SLC24A2: variants seen among roughly 807,000 people sequenced by gnomAD.
SLC24A2 encodes solute carrier family 24 member 2.
Under a neutral mutation model 62.0 loss-of-function variants are expected in SLC24A2, and 36 were observed. The observed-to-expected ratio is 0.58, with a 90% confidence interval of 0.44 to 0.77. SLC24A2 has a LOEUF of 0.77. Among genes scored for constraint, SLC24A2 ranks in the 30% least tolerant of loss-of-function variants. The probability of loss-of-function intolerance (pLI) is 0.00; values close to 1 mark genes in which losing one functional copy is unlikely to be tolerated. For synonymous variants in SLC24A2, 358 were observed against 294.0 expected (o/e 1.22, Z -2.23); for missense variants, 846 against 817.9 (o/e 1.03, Z -0.42).
At chr9:19,724,566 AT>A (rs1821117173) in intron 2 of SLC24A2, among the ~76,000 whole-genome samples, 1 of 152,176 alleles carries the variant, frequency 6.6e-6, no homozygotes, top group Non-Finnish European at 1.5e-5. Context: ...AACATTATTA[AT>A]ACAAGGTCTG....
rs949469349 is a variant in SLC24A2 at position 19,599,595 on chromosome 9, G to T, written c.1079-2316C>A. 6.6e-6 allele frequency among the ~76,000 whole-genome samples: 1 copy of T among 152,188 alleles called. No homozygotes were observed. Among genetic ancestry groups the T allele is most frequent in the Non-Finnish European group, 1.5e-5 (1 of 68,026 alleles). On this transcript the variant is annotated intron_variant, in intron 4 of 10. Coordinates refer to ENST00000341998, the MANE Select transcript of SLC24A2 (RefSeq NM_020344.4). The surrounding 1 kb of genome is among the most constrained non-coding windows in gnomAD (Gnocchi z 4.5). ...CTAACAGCAACAGGATGGTGAGATGGTGAACTCAGCAGCAGCATCCTAAGG... is the reference window on the plus strand; with the variant it reads ...CTAACAGCAACAGGATGGTGAGATGTTGAACTCAGCAGCAGCATCCTAAGG...
chr9:19,838,267 T>C, the SLC24A2 span, among the ~76,000 whole-genome samples: 1 of 151,992 alleles, frequency 6.6e-6, no homozygotes, highest in Non-Finnish European at 1.5e-5. Flanking sequence ...TAATGCCACA[T>C]ATCTACAACT....
At chr9:19,619,756 G>GGTGAGGATCTTGTCT in intron 3 of SLC24A2, 64 bp from the exon 4 acceptor site, 5 of 1,208,926 alleles carry the variant, frequency 4.1e-6, no homozygotes, top group Non-Finnish European at 6.2e-6. Context: ...TTATAGACAA[G>GGTGAGGATCTTGTCT]ATCCTCACCT....
At chr9:20,018,778 A>G in the SLC24A2 span, among the ~76,000 whole-genome samples, 5 of 152,176 alleles carry the variant, frequency 3.3e-5, no homozygotes, top group East Asian at 3.9e-4. Flanking sequence ...AAAAAAACCC[A>G]TATCTTAAAA....
the SLC24A2 span, among the ~76,000 whole-genome samples, chr9:20,006,835 G>C: frequency 6.6e-6 from 1 of 152,122 alleles, no homozygotes; most frequent in Admixed American, 6.5e-5. Context: ...GTGTGTTCCT[G>C]TGTAAGTTGC....
chr9:19,833,832 G>C, the SLC24A2 span, among the ~76,000 whole-genome samples: 1 of 152,232 alleles, frequency 6.6e-6, no homozygotes, highest in African/African-American at 2.4e-5. Flanking sequence ...CCCCAACTAG[G>C]GGCGGACTGA....
At chr9:19,972,608 TG>T in the SLC24A2 span, among the ~76,000 whole-genome samples, 1 of 152,282 alleles carries the variant, frequency 6.6e-6, no homozygotes, top group South Asian at 2.1e-4. Flanking sequence ...TAAAAGTGGC[TG>T]TTTAGAAGCT....
At chr9:19,829,621 T>C in the SLC24A2 span, among the ~76,000 whole-genome samples, 1 of 151,780 alleles carries the variant, frequency 6.6e-6, no homozygotes, top group Non-Finnish European at 1.5e-5. Context: ...ATATCAGCTA[T>C]TCAGGAGGCT....
At chr9:19,994,843 GA>G in the SLC24A2 span, among the ~76,000 whole-genome samples, 1 of 152,234 alleles carries the variant, frequency 6.6e-6, no homozygotes, top group Non-Finnish European at 1.5e-5. Context: ...ACACTCTGCA[GA>G]GACATACTTC....
chr9:19,593,623 C>CA (rs1217308840), intron 5 of SLC24A2, among the ~76,000 whole-genome samples: 6 of 152,112 alleles, frequency 3.9e-5, no homozygotes, highest in Non-Finnish European at 8.8e-5. Context: ...TTGTCCACAC[C>CA]GTGATGCCCT....
the SLC24A2 span, among the ~76,000 whole-genome samples, chr9:20,115,655 C>T: frequency 6.6e-6 from 1 of 152,250 alleles, no homozygotes; most frequent in South Asian, 2.1e-4. Flanking sequence ...TTGATTTATG[C>T]TAAGCCAACA....
intron 2 of SLC24A2, among the ~76,000 whole-genome samples, chr9:19,767,489 G>A (rs1004317636): frequency 3.9e-5 from 6 of 152,186 alleles, no homozygotes; most frequent in Admixed American, 6.5e-5. Context: ...GAAAAGGGTC[G>A]TATCTGGGCC....
At chr9:19,595,257 G>A (rs1443988311) in intron 5 of SLC24A2, among the ~76,000 whole-genome samples, 3 of 152,158 alleles carry the variant, frequency 2.0e-5, no homozygotes, top group Admixed American at 6.5e-5. Flanking sequence ...ACTTATTTAT[G>A]GAATCAGCCT....
At chr9:20,177,606 CAA>C in the SLC24A2 span, among the ~76,000 whole-genome samples, 1 of 152,064 alleles carries the variant, frequency 6.6e-6, no homozygotes, top group Non-Finnish European at 1.5e-5. Flanking sequence ...ATTGGGGAAC[CAA>C]AGTGTATCCT....
At chr9:19,826,794 T>A in the SLC24A2 span, among the ~76,000 whole-genome samples, 6 of 152,142 alleles carry the variant, frequency 3.9e-5, no homozygotes, top group Non-Finnish European at 8.8e-5. Flanking sequence ...TCAACGTGAT[T>A]TTTGGAGGGA....
chr9:19,602,864 C>CA, intron 4 of SLC24A2, among the ~76,000 whole-genome samples: 2 of 152,262 alleles, frequency 1.3e-5, no homozygotes, highest in East Asian at 3.9e-4. Flanking sequence ...ATGCTTAGCC[C>CA]AGTGTCTGGC....
At chr9:19,909,145 T>C in the SLC24A2 span, among the ~76,000 whole-genome samples, 1 of 152,188 alleles carries the variant, frequency 6.6e-6, no homozygotes, top group Non-Finnish European at 1.5e-5. Flanking sequence ...TGGAATACTA[T>C]GCAGCCATAA....
the SLC24A2 span, among the ~76,000 whole-genome samples, chr9:20,295,752 TTA>T: frequency 2.0e-5 from 3 of 152,064 alleles, no homozygotes; most frequent in African/African-American, 7.2e-5. Flanking sequence ...GGACAGAGAG[TTA>T]CACCATCTGC....
chr9:19,790,725 A>G (rs1823308756), upstream of SLC24A2, among the ~76,000 whole-genome samples: 1 of 152,150 alleles, frequency 6.6e-6, no homozygotes, highest in African/African-American at 2.4e-5. Flanking sequence ...TTTCTATACA[A>G]ATTGGACCTC....
Sources: allele counts gnomAD v4.1 joint callset (sites outside exome capture counted in the v4.1 genomes callset), GRCh38; gene constraint gnomAD v4.1.1; non-coding constraint Gnocchi (gnomAD v3.1); transcripts MANE v1.5; gene names NCBI Gene and HGNC (gene_info 2026-07-23, HGNC 2026-07-21).